The following VPS53 variants were observed in gnomAD, a reference collection of about 807,000 sequenced individuals.
The protein encoded by VPS53 is vacuolar protein sorting-associated protein 53 homolog.
In VPS53, 70 loss-of-function variants were observed where a neutral mutation model predicts 107.0. The observed-to-expected ratio is 0.65, with a 90% CI of 0.54 to 0.80. The LOEUF (loss-of-function observed/expected upper bound fraction) is 0.80. Ranked by LOEUF, VPS53 falls within the 30% of genes least tolerant of loss-of-function variation. The pLI, the probability that VPS53 is intolerant of heterozygous loss-of-function variation, is 0.00. For synonymous variants in VPS53, 409 were observed against 393.3 expected (o/e 1.04, Z -0.47); for missense variants, 917 against 1,049.4 (o/e 0.87, Z 1.74).
At chr17:532,627 T>C in intron 19 of VPS53, 5 of 1,261,794 alleles carry the variant, frequency 4.0e-6, no homozygotes, top group Non-Finnish European at 5.2e-6. Context: ...TGCTGTGTTA[T>C]ACCCTGCACC....
intron 14 of VPS53, among the ~76,000 whole-genome samples, chr17:562,239 T>C (rs1052166760): frequency 9.9e-5 from 15 of 152,170 alleles, no homozygotes; most frequent in Admixed American, 9.2e-4. Flanking sequence ...GAAAATTAAA[T>C]AGGCATACAA....
intron 4 of VPS53, among the ~76,000 whole-genome samples, chr17:677,671 C>T (rs1460452627): frequency 2.0e-5 from 3 of 151,932 alleles, no homozygotes; most frequent in Non-Finnish European, 4.4e-5. Context: ...AACCACTGAA[C>T]AGTATACTTT....
chr17:699,856 G>A (rs112403712), intron 2 of VPS53, among the ~76,000 whole-genome samples: 3,122 of 152,320 alleles, frequency 0.02, 99 homozygotes, highest in African/African-American at 0.071. Context: ...GAAAAAGCCA[G>A]ACACAAGGGG....
rs937539901 is a variant in VPS53, at chr17:511,052, G to A, written c.*8076C>T. 6.6e-6 allele frequency: 1 copy of A among 152,332 alleles called. No homozygotes were observed. The highest frequency in any genetic ancestry group is 1.9e-4 in the East Asian group (1 of 5,198). The allele number at this position is 152,332 out of a possible 1,614,324, so 9.4% of individuals were successfully genotyped here. On this transcript the variant is annotated 3_prime_UTR_variant, in exon 22 of 22. Coordinates refer to ENST00000437048, the MANE Select transcript of VPS53 (RefSeq NM_001128159.3). Reference sequence around the variant, plus strand: ...CATTTGATATTGGGTGTAGGTATGAGGCTGTGGGGGACTCTGTGTAAACAG... The same window carrying A: ...CATTTGATATTGGGTGTAGGTATGAAGCTGTGGGGGACTCTGTGTAAACAG...
intron 12 of VPS53, chr17:600,163 G>T (rs940498646): frequency 1.3e-5 from 2 of 152,252 alleles, no homozygotes; most frequent in African/African-American, 4.8e-5. Context: ...TGATTTTGTA[G>T]GTAATGGGGC....
At chr17:634,704 G>A (rs1970117438) in intron 7 of VPS53, among the ~76,000 whole-genome samples, 1 of 151,908 alleles carries the variant, frequency 6.6e-6, no homozygotes, top group Middle Eastern at 3.2e-3. Context: ...CTTCATCTGT[G>A]TCCCTAAAAG....
At chr17:601,370 A>G (rs371556300) in intron 12 of VPS53, among the ~76,000 whole-genome samples, 46 of 152,334 alleles carry the variant, frequency 3.0e-4, no homozygotes, top group Non-Finnish European at 5.7e-4. Context: ...TTCCAGACCT[A>G]AAGTGATCAG....
intron 17 of VPS53, among the ~76,000 whole-genome samples, chr17:547,349 G>A (rs370086201): frequency 6.6e-6 from 1 of 152,332 alleles, no homozygotes; most frequent in South Asian, 2.1e-4. Flanking sequence ...CCACAAAAAG[G>A]AATGGAGTGC....
intron 2 of VPS53, among the ~76,000 whole-genome samples, chr17:702,799 TTAATGTGG>T (rs1448503631): frequency 2.0e-5 from 3 of 152,230 alleles, no homozygotes; most frequent in Admixed American, 2.0e-4. Context: ...CTGCTAGCAT[TTAATGTGG>T]ATCTCCTAGG....
At chr17:658,644 T>C (rs442990) in intron 5 of VPS53, among the ~76,000 whole-genome samples, 55,193 of 56,734 alleles carry the variant, frequency 0.97, 26,880 homozygotes, top group East Asian at 0.99. Context: ...TAAAGTGAGA[T>C]ACTCGGCCGT....
Position 655,826 on chromosome 17 carries a change from G to T in VPS53, c.488+12C>A. On this transcript the variant is annotated intron_variant, in intron 6 of 21. Transcript: ENST00000437048. The stretch of plus-strand genomic sequence containing the variant: ...TCCCGTGGCCCCAAAAGAGAAAGTT[G>T]GCATTGCTTACTCGAGGGAGTCGAC... The T allele has an allele frequency of 2.5e-6, 4 of 1,605,590 alleles. No homozygotes were observed. The highest frequency in any genetic ancestry group is 3.4e-6 in the Non-Finnish European group (4 of 1,175,384).
chr17:561,978 A>C (rs1236756146), intron 14 of VPS53, among the ~76,000 whole-genome samples: 3 of 152,156 alleles, frequency 2.0e-5, no homozygotes, highest in African/African-American at 7.2e-5. Flanking sequence ...GGAGCTATGC[A>C]GTAGCTGACC....
rs762650541 is a variant in VPS53 at position 714,727 on chromosome 17, T to A, written c.-18A>T. On this transcript the variant is annotated 5_prime_UTR_variant, in exon 1 of 22. Transcript: ENST00000437048. ...TCCATCATTCCGCCACCCGGCCCCC[T>A]GCCGACCCCCGCCGCGAGCCCAACT... is the stretch of plus-strand genomic sequence containing the variant. 1.2e-6 allele frequency: 2 copies of A among 1,612,276 alleles called. No homozygotes were observed. Among genetic ancestry groups the A allele is most frequent in the South Asian group, 2.2e-5 (2 of 91,032 alleles).
intron 13 of VPS53, among the ~76,000 whole-genome samples, chr17:575,599 A>G (rs1486160832): frequency 2.0e-5 from 3 of 149,142 alleles, no homozygotes; most frequent in Middle Eastern, 3.7e-3. Context: ...CAGAACCTCA[A>G]TGCATTCCCA....
Position 658,791 on chromosome 17 carries a change from G to A in VPS53, c.373-2838C>T, listed in dbSNP as rs371303825. 1.5e-4 allele frequency among the ~76,000 whole-genome samples: 23 copies of A among 151,666 alleles called. No homozygotes were observed. In the East Asian group the frequency reaches 2.7e-3, roughly 18 times the overall value. On this transcript the variant is annotated intron_variant, in intron 5 of 21. Transcript: ENST00000437048. Reference sequence around the variant, plus strand: ...TCCCACTGAAGTGAGAAACTCGGCCGTGAGTTCGTGGATAGATACATCCCA... The same window carrying A: ...TCCCACTGAAGTGAGAAACTCGGCCATGAGTTCGTGGATAGATACATCCCA...
At chr17:635,714 T>G (rs1342793766) in intron 7 of VPS53, among the ~76,000 whole-genome samples, 1 of 152,140 alleles carries the variant, frequency 6.6e-6, no homozygotes, top group Non-Finnish European at 1.5e-5. Flanking sequence ...TGTAGATGTG[T>G]GGTATTATTT....
chr17:524,140 A>G lies in VPS53; in HGVS notation c.2086-2402T>C, dbSNP rs1275214242. Among the ~76,000 whole-genome samples, 3 of 152,210 alleles carry G rather than the reference A, an allele frequency of 2.0e-5. No homozygotes were observed. The highest frequency in any genetic ancestry group is 7.2e-5 in the African/African-American group (3 of 41,534). On this transcript the variant is annotated intron_variant, in intron 19 of 21. Coordinates refer to ENST00000437048, the MANE Select transcript of VPS53 (RefSeq NM_001128159.3). The surrounding 1 kb of genome is among the most constrained non-coding windows in gnomAD (Gnocchi z 4.5). ...ATGGAGAAACCCCATCTCTACTAAA[A>G]ATACAAAAATTAGCCGGGTGTGGTG...
intron 16 of VPS53, 74 bp downstream of exon 16, chr17:553,306 G>C: frequency 7.0e-7 from 1 of 1,423,780 alleles, no homozygotes; most frequent in East Asian, 2.3e-5. Context: ...GCGTGTGCAG[G>C]GTACATACGT....
At chr17:614,950 C>CA (rs1190602126) in intron 11 of VPS53, among the ~76,000 whole-genome samples, 2 of 151,964 alleles carry the variant, frequency 1.3e-5, no homozygotes, top group African/African-American at 4.8e-5. Flanking sequence ...ACAAAAAAAA[C>CA]AAAAAACAAA....
Sources: gnomAD v4.1 joint callset for allele counts (sites outside exome capture counted in the v4.1 genomes callset) on GRCh38, gnomAD v4.1.1 for gene constraint, Gnocchi (gnomAD v3.1) non-coding constraint, MANE v1.5 for transcripts, NCBI Gene and HGNC (gene_info 2026-07-23, HGNC 2026-07-21) for gene names.